Variants in SNX29 observed in about 807,000 individuals in gnomAD.
The protein encoded by SNX29 is sorting nexin-29.
A neutral mutation model predicts 102.1 loss-of-function variants in SNX29; 78 were observed. That is an observed-to-expected ratio of 0.76 (90% CI 0.64 to 0.92). The LOEUF (loss-of-function observed/expected upper bound fraction) is 0.92. Among genes scored for constraint, SNX29 ranks in the 40% least tolerant of loss-of-function variants. SNX29 has a pLI of 0.00. For synonymous variants in SNX29, 580 were observed against 414.5 expected, an observed-to-expected ratio of 1.40 and a Z score of -4.85; for missense variants, 1,280 against 1,061.7, an observed-to-expected ratio of 1.21 and a Z score of -2.86.
intron 20 of SNX29, among the ~76,000 whole-genome samples, chr16:12,549,442 C>T (rs567549331): frequency 6.6e-6 from 1 of 152,140 alleles, no homozygotes; most frequent in South Asian, 2.1e-4. Flanking sequence ...TTGCAGTGAC[C>T]TAAGATTGCA....
intron 15 of SNX29, among the ~76,000 whole-genome samples, chr16:12,313,150 A>G (rs941529174): frequency 6.6e-6 from 1 of 151,760 alleles, no homozygotes; most frequent in Non-Finnish European, 1.5e-5. Context: ...AGTAGCTGGG[A>G]CTATAGGCGC....
chr16:12,545,067 C>G (rs141042197), intron 20 of SNX29, among the ~76,000 whole-genome samples: 1 of 152,080 alleles, frequency 6.6e-6, no homozygotes, highest in Non-Finnish European at 1.5e-5. Context: ...AGCATAGCCA[C>G]GAAATGCACT....
chr16:12,397,410 C>T (rs938683525), intron 16 of SNX29, among the ~76,000 whole-genome samples: 2 of 152,192 alleles, frequency 1.3e-5, no homozygotes, highest in African/African-American at 4.8e-5. Flanking sequence ...CCCTGAGCCT[C>T]GGTTTCCTCA....
At chr16:12,279,335 T>A (rs947920510) in intron 15 of SNX29, among the ~76,000 whole-genome samples, 5 of 152,240 alleles carry the variant, frequency 3.3e-5, no homozygotes, top group Non-Finnish European at 7.3e-5. Context: ...TTGTCTGGTC[T>A]CTAAATTGCC....
chr16:12,542,733 G>A (rs1263910239), intron 20 of SNX29, among the ~76,000 whole-genome samples: 1 of 138,856 alleles, frequency 7.2e-6, no homozygotes, highest in Admixed American at 7.5e-5. Flanking sequence ...TAAATCTTGT[G>A]CATATAAGCA....
At chr16:12,273,560 T>C (rs2079155708) in intron 14 of SNX29, among the ~76,000 whole-genome samples, 1 of 152,142 alleles carries the variant, frequency 6.6e-6, no homozygotes, top group South Asian at 2.1e-4. Context: ...GGTTTCACCA[T>C]GTTGGCCAGC....
chr16:12,248,887 G>A (rs2078340197), intron 14 of SNX29, among the ~76,000 whole-genome samples: 1 of 152,136 alleles, frequency 6.6e-6, no homozygotes, highest in Non-Finnish European at 1.5e-5. Flanking sequence ...AGTAAGGACT[G>A]TTCTATTCTC....
intron 18 of SNX29, among the ~76,000 whole-genome samples, chr16:12,453,719 T>C (rs779637838): frequency 2.0e-5 from 3 of 152,216 alleles, no homozygotes; most frequent in Non-Finnish European, 2.9e-5. Context: ...GCATAAAAGT[T>C]ACCCTTCAAA....
At chr16:12,541,285 C>T (rs150692524) in intron 20 of SNX29, among the ~76,000 whole-genome samples, 1 of 152,150 alleles carries the variant, frequency 6.6e-6, no homozygotes, top group Non-Finnish European at 1.5e-5. Context: ...CAGGGGAATA[C>T]CACTAACAGT....
At chr16:12,216,927 T>C (rs973248267) in intron 14 of SNX29, among the ~76,000 whole-genome samples, 1 of 152,242 alleles carries the variant, frequency 6.6e-6, no homozygotes, top group African/African-American at 2.4e-5. Flanking sequence ...CTGGGAAACA[T>C]AGTCTCTTTG....
intron 15 of SNX29, among the ~76,000 whole-genome samples, chr16:12,334,852 A>G (rs927933855): frequency 1.0e-4 from 14 of 137,450 alleles, no homozygotes; most frequent in African/African-American, 3.7e-4. Flanking sequence ...CCTGGTCCCT[A>G]TAGGCATTTG....
At chr16:12,516,441 C>G (rs1182562243) in intron 19 of SNX29, among the ~76,000 whole-genome samples, 5 of 144,592 alleles carry the variant, frequency 3.5e-5, no homozygotes, top group Admixed American at 2.9e-4. Context: ...GATTGTACCA[C>G]TGCACTTCAG....
intron 14 of SNX29, among the ~76,000 whole-genome samples, chr16:12,217,853 C>T (rs1192823489): frequency 6.6e-6 from 1 of 152,206 alleles, no homozygotes; most frequent in Admixed American, 6.5e-5. Flanking sequence ...ATCTATAAAA[C>T]GTGGATGGTA....
intron 20 of SNX29, among the ~76,000 whole-genome samples, chr16:12,551,923 G>A (rs375709543): frequency 1.3e-5 from 2 of 152,180 alleles, no homozygotes; most frequent in African/African-American, 4.8e-5. Context: ...CTACCACACA[G>A]AGCCACTGTG....
At chr16:12,462,239 C>T (rs562101786) in intron 18 of SNX29, among the ~76,000 whole-genome samples, 10 of 151,654 alleles carry the variant, frequency 6.6e-5, no homozygotes, top group Admixed American at 4.0e-4. Context: ...CTTCACTTTC[C>T]GCCATTCACT....
intron 13 of SNX29, among the ~76,000 whole-genome samples, chr16:12,144,125 C>A (rs2054964917): frequency 1.3e-5 from 2 of 152,104 alleles, no homozygotes; most frequent in Admixed American, 6.5e-5. Context: ...GTTCCTAGAC[C>A]ACACATTTTA....
intron 14 of SNX29, among the ~76,000 whole-genome samples, chr16:12,204,812 G>T (rs962757334): frequency 6.6e-6 from 1 of 152,230 alleles, no homozygotes; most frequent in African/African-American, 2.4e-5. Context: ...CATGTGCTTC[G>T]TGCTCTCACT....
intron 8 of SNX29, among the ~76,000 whole-genome samples, chr16:12,060,083 G>T (rs193231781): frequency 6.6e-6 from 1 of 152,104 alleles, no homozygotes; most frequent in Admixed American, 6.6e-5. Flanking sequence ...TGCATCCATG[G>T]ACTCTGCATC....
intron 4 of SNX29, among the ~76,000 whole-genome samples, chr16:12,037,019 G>A (rs760683543): frequency 6.6e-5 from 10 of 152,188 alleles, no homozygotes; most frequent in Non-Finnish European, 1.3e-4. Flanking sequence ...GTGGTTGGGT[G>A]TCTTTCCGGG....
Sources: allele counts gnomAD v4.1 joint callset (sites outside exome capture counted in the v4.1 genomes callset), GRCh38; gene constraint gnomAD v4.1.1; transcripts MANE v1.5; gene names NCBI Gene and HGNC (gene_info 2026-07-23, HGNC 2026-07-21).